The following LARS2 variants were observed in gnomAD, a reference collection of about 807,000 sequenced individuals.
LARS2 encodes the protein leucine--tRNA ligase, mitochondrial.
LARS2 carries 81 observed loss-of-function variants against 116.6 expected under a neutral mutation model. The observed-to-expected ratio is 0.69, with a 90% CI of 0.58 to 0.84. The LOEUF is 0.84. Among genes scored for constraint, LARS2 ranks in the 40% least tolerant of loss-of-function variants. The pLI is 0.00. For missense variants in LARS2, 968 were observed against 1,114.5 expected, an observed-to-expected ratio of 0.87 and a Z score of 1.87; for synonymous variants, 396 against 407.2, an observed-to-expected ratio of 0.97 and a Z score of 0.33.
At chr3:45,421,072 C>G (rs1320152609) in intron 6 of LARS2, 1 of 151,992 alleles carries the variant, frequency 6.6e-6, no homozygotes, top group East Asian at 1.9e-4. Context: ...ACTTTTATAG[C>G]TGAGCAGTTT....
At chr3:45,410,778 T>C (rs1038899141) in intron 4 of LARS2, among the ~76,000 whole-genome samples, 1 of 152,210 alleles carries the variant, frequency 6.6e-6, no homozygotes, top group Non-Finnish European at 1.5e-5. Flanking sequence ...CCTTACTCTG[T>C]ACAAGCCTAG....
In LARS2 at chr3:45,394,420, C is replaced by T. The variant is rs779418705; in HGVS notation, c.-21-13C>T. ...GAGGCAGCTCATAGTGTGCTTTCTG[C>T]CCTCTTTTTCAGGGCCTTCTCACCT... On this transcript the variant is annotated splice_polypyrimidine_tract_variant and intron_variant, in intron 2 of 21. Transcript: ENST00000645846. 5.3e-6 allele frequency: 8 copies of T among 1,514,126 alleles called. No individual in the cohort carries two copies. Among genetic ancestry groups the T allele is most frequent in the Non-Finnish European group, 7.3e-6 (8 of 1,090,100 alleles). 93.8% of individuals were successfully genotyped at this position (1,514,126 alleles called of 1,614,324 possible).
intron 6 of LARS2, among the ~76,000 whole-genome samples, chr3:45,427,543 A>G (rs1046152651): frequency 6.6e-6 from 1 of 152,246 alleles, no homozygotes; most frequent in Non-Finnish European, 1.5e-5. Flanking sequence ...CAACTTTTGG[A>G]AAAACTAGGT....
intron 6 of LARS2, among the ~76,000 whole-genome samples, chr3:45,430,726 A>G (rs1698695844): frequency 6.8e-6 from 1 of 146,496 alleles, no homozygotes; most frequent in Non-Finnish European, 1.5e-5. Flanking sequence ...CTGGGACTAC[A>G]GGCGCCCGCC....
At position 45,541,826 on chromosome 3, in the gene LARS2, C is replaced by T; in HGVS notation, c.2405-3C>T. Reference sequence around the variant, plus strand: ...CCCACGCTTCTGTGCCTCGGCATTGCAGGCCTGGCGCTGGTGCCGAGGAAG... The same window carrying T: ...CCCACGCTTCTGTGCCTCGGCATTGTAGGCCTGGCGCTGGTGCCGAGGAAG... On this transcript the variant is annotated splice_polypyrimidine_tract_variant and splice_region_variant and intron_variant, in intron 20 of 21. Transcript: ENST00000645846. 1.2e-6 allele frequency: 2 copies of T among 1,614,044 alleles called. No individual in the cohort carries two copies. The highest frequency in any genetic ancestry group is 1.7e-6 in the Non-Finnish European group (2 of 1,179,958).
chr3:45,413,911 C>T (rs752299314), intron 4 of LARS2, among the ~76,000 whole-genome samples: 5 of 152,056 alleles, frequency 3.3e-5, no homozygotes, highest in Non-Finnish European at 4.4e-5. Flanking sequence ...CATAGGTGGC[C>T]AGTGGGTAGT....
At position 45,513,406 on chromosome 3, in the gene LARS2, AG is replaced by A. The variant is rs113280985; in HGVS notation, c.1861+172del. On this transcript the variant is annotated intron_variant, in intron 16 of 21. Transcript: ENST00000645846. Reference sequence around the variant, plus strand: ...CTCCCTCTGGGCCTGCGCCCCCTGAAGCCTGGTCCTGGACTGGCCGTCTGCT... The same window carrying A: ...CTCCCTCTGGGCCTGCGCCCCCTGAACCTGGTCCTGGACTGGCCGTCTGCT... 0.017 allele frequency among the ~76,000 whole-genome samples: 2,540 copies of A among 152,360 alleles called. 59 individuals carry two copies. Among genetic ancestry groups the A allele is most frequent in the African/African-American group, 0.054 (2,254 of 41,590 alleles).
In LARS2 at chr3:45,476,601, TGAG is replaced by T; in HGVS notation, c.995_997del (p.Arg332del). On this transcript the variant is annotated inframe_deletion, in exon 10 of 22. Coordinates refer to ENST00000645846, the MANE Select transcript of LARS2 (RefSeq NM_015340.4). ...GGGCACAGCTCTCTGAAGGAAGCCT[TGAG>T]GATGGCCCTTGTCCCTGGCAAAGGT... 2 of 1,614,176 alleles carry T rather than the reference TGAG, an allele frequency of 1.2e-6. No homozygotes were observed. The highest frequency in any genetic ancestry group is 1.7e-6 in the Non-Finnish European group (2 of 1,180,010).
Position 45,548,140 on chromosome 3 carries a change from T to A in LARS2, c.*610T>A, listed in dbSNP as rs1188931672. On this transcript the variant is annotated 3_prime_UTR_variant, in exon 22 of 22. Transcript: ENST00000645846. ...TGAATCAAAAGGCAGGCAGTGCTGG[T>A]TCCTCTGCCTGTGTCCCCACCACTC... The A allele has an allele frequency of 6.6e-6, 1 of 152,262 alleles. No individual in the cohort carries two copies. Among genetic ancestry groups the A allele is most frequent in the Non-Finnish European group, 1.5e-5 (1 of 68,086 alleles). 9.4% of individuals were successfully genotyped at this position (152,262 alleles called of 1,614,324 possible). A position where few individuals can be genotyped will look rare whatever the true frequency, so the allele number is the denominator to read the frequency against.
intron 21 of LARS2, among the ~76,000 whole-genome samples, chr3:45,542,869 G>C (rs1188945229): frequency 6.6e-6 from 1 of 152,252 alleles, no homozygotes. Context: ...AAGCATAGTG[G>C]AAGAGATAGG....
intron 5 of LARS2, among the ~76,000 whole-genome samples, chr3:45,417,931 T>C (rs1310127430): frequency 6.6e-6 from 1 of 152,270 alleles, no homozygotes; most frequent in African/African-American, 2.4e-5. Flanking sequence ...AGTTTTACTA[T>C]ATCCGAATAC....
At chr3:45,489,023 C>G (rs892915090) in intron 12 of LARS2, among the ~76,000 whole-genome samples, 1 of 152,138 alleles carries the variant, frequency 6.6e-6, no homozygotes, top group Admixed American at 6.5e-5. Context: ...AGAATGGTAT[C>G]GAAGTAACTA....
intron 6 of LARS2, among the ~76,000 whole-genome samples, chr3:45,430,572 G>A (rs1466869462): frequency 3.6e-5 from 5 of 140,690 alleles, no homozygotes; most frequent in East Asian, 2.2e-4. Context: ...GAGCCACTGC[G>A]CCCGGCCAAT....
intron 7 of LARS2, among the ~76,000 whole-genome samples, chr3:45,454,875 G>T (rs992920259): frequency 2.6e-5 from 4 of 152,264 alleles, no homozygotes; most frequent in African/African-American, 9.6e-5. Context: ...CAACTCCAGG[G>T]CTTCAAGGGG....
chr3:45,512,699 G>A (rs1036277075), intron 15 of LARS2, among the ~76,000 whole-genome samples: 1 of 152,184 alleles, frequency 6.6e-6, no homozygotes, highest in Non-Finnish European at 1.5e-5. Flanking sequence ...ACACATTTAT[G>A]TATACAAAGG....
At chr3:45,546,308 G>C (rs1430910080) in intron 21 of LARS2, among the ~76,000 whole-genome samples, 1 of 152,178 alleles carries the variant, frequency 6.6e-6, no homozygotes, top group Admixed American at 6.5e-5. Flanking sequence ...ACCAGGGCAG[G>C]GGGGCCACAG....
At chr3:45,535,578 A>G (rs1700689132) in intron 20 of LARS2, among the ~76,000 whole-genome samples, 2 of 152,240 alleles carry the variant, frequency 1.3e-5, no homozygotes, top group South Asian at 4.2e-4. Flanking sequence ...CTGAGATAAC[A>G]CAATTGTAGA....
intron 21 of LARS2, among the ~76,000 whole-genome samples, chr3:45,545,603 C>T (rs980934792): frequency 3.3e-5 from 5 of 152,294 alleles, no homozygotes; most frequent in Admixed American, 3.3e-4. Flanking sequence ...GGAGCCAGAA[C>T]CGTGTGAGGG....
intron 6 of LARS2, among the ~76,000 whole-genome samples, chr3:45,420,260 C>T (rs944058887): frequency 6.6e-6 from 1 of 152,172 alleles, no homozygotes; most frequent in Non-Finnish European, 1.5e-5. Context: ...CATGGAAAGC[C>T]ACCTGGCTGT....
Sources: gnomAD v4.1 joint callset for allele counts (sites outside exome capture counted in the v4.1 genomes callset) on GRCh38, gnomAD v4.1.1 for gene constraint, MANE v1.5 for transcripts, NCBI Gene and HGNC (gene_info 2026-07-23, HGNC 2026-07-21) for gene names.